The following SLCO1A2 variants were observed in gnomAD, a reference collection of about 807,000 sequenced individuals.
The protein encoded by SLCO1A2 is OATP-1.
A neutral mutation model predicts 69.0 loss-of-function variants in SLCO1A2; 67 were observed. The ratio of observed to expected loss-of-function variants is 0.97; its 90% CI spans 0.80 to 1.19. The LOEUF (loss-of-function observed/expected upper bound fraction) is 1.19. SLCO1A2 is among the 50% of genes most tolerant of loss of function. The pLI is 0.00. For missense variants in SLCO1A2, 787 were observed against 793.7 expected (o/e 0.99, Z 0.10); for synonymous variants, 260 against 265.9 (o/e 0.98, Z 0.22).
chr12:21,363,581 C>A (rs1198493203), intron 2 of SLCO1A2, among the ~76,000 whole-genome samples: 1 of 152,036 alleles, frequency 6.6e-6, no homozygotes, highest in African/African-American at 2.4e-5. Flanking sequence ...CACAAAAAAA[C>A]CCTTCAAAAA....
intron 1 of SLCO1A2, among the ~76,000 whole-genome samples, chr12:21,380,844 G>A (rs926841837): frequency 1.3e-5 from 2 of 152,196 alleles, no homozygotes; most frequent in Admixed American, 6.5e-5. Flanking sequence ...GAGCAGGGAA[G>A]AGAGGGCCCC....
chr12:21,293,082 A>T (rs1591802632), intron 11 of SLCO1A2, among the ~76,000 whole-genome samples: 1 of 152,122 alleles, frequency 6.6e-6, no homozygotes, highest in Non-Finnish European at 1.5e-5. Context: ...AGGCAGGCGG[A>T]TCACAAGGTC....
intron 14 of SLCO1A2, among the ~76,000 whole-genome samples, chr12:21,270,386 A>C (rs1401827541): frequency 2.0e-5 from 3 of 151,764 alleles, no homozygotes; most frequent in Non-Finnish European, 4.4e-5. Context: ...TTTATACATT[A>C]CTAGATTCAA....
intron 2 of SLCO1A2, among the ~76,000 whole-genome samples, chr12:21,334,101 T>C (rs1356449909): frequency 6.6e-6 from 1 of 151,700 alleles, no homozygotes; most frequent in Non-Finnish European, 1.5e-5. Flanking sequence ...GAAAAAAAAA[T>C]CAGAACAGCT....
chr12:21,298,046 G>C (rs1024728237), intron 8 of SLCO1A2, among the ~76,000 whole-genome samples: 3 of 152,154 alleles, frequency 2.0e-5, no homozygotes, highest in African/African-American at 7.2e-5. Flanking sequence ...TTGAAATAAA[G>C]ATGTGTGGGA....
intron 1 of SLCO1A2, among the ~76,000 whole-genome samples, chr12:21,388,422 C>T (rs180967719): frequency 1.7e-3 from 260 of 152,184 alleles, no homozygotes; most frequent in South Asian, 1.2e-3. Context: ...TTTCCCATGC[C>T]GTTCTTGTGA....
intron 2 of SLCO1A2, among the ~76,000 whole-genome samples, chr12:21,322,596 A>G (rs1264243339): frequency 1.3e-5 from 2 of 152,190 alleles, no homozygotes; most frequent in African/African-American, 4.8e-5. Context: ...TGTGGGGACC[A>G]AGGTTCTATC....
At chr12:21,354,439 TG>T (rs1285081604) in intron 2 of SLCO1A2, among the ~76,000 whole-genome samples, 1 of 152,224 alleles carries the variant, frequency 6.6e-6, no homozygotes, top group Admixed American at 6.5e-5. Flanking sequence ...TAAAGATAGT[TG>T]TCAGAGGAAA....
At chr12:21,378,109 A>C (rs1940338771) in intron 1 of SLCO1A2, 1 of 826,398 alleles carries the variant, frequency 1.2e-6, no homozygotes, top group Non-Finnish European at 1.9e-6. Context: ...TTGCAAACCA[A>C]AACACTGAGT....
rs541253861 is a variant in SLCO1A2 at position 21,300,191 on chromosome 12, T to C, written c.910+157A>G. On this transcript the variant is annotated intron_variant, in intron 8 of 14. Transcript: ENST00000683939. ...TAATATTTATTTTCAAGTAGTACCA[T>C]AGGAAGAATCGGACTAGTTAGGTAT... Among the ~76,000 whole-genome samples, 14 of 151,976 alleles carry C rather than the reference T, an allele frequency of 9.2e-5. No individual in the cohort carries two copies. In the South Asian group the frequency reaches 2.5e-3, roughly 27 times the overall value.
chr12:21,344,720 A>C (rs1953197530), intron 2 of SLCO1A2, among the ~76,000 whole-genome samples: 1 of 152,086 alleles, frequency 6.6e-6, no homozygotes, highest in African/African-American at 2.4e-5. Context: ...TATGAATTAA[A>C]GTCCTGCTCT....
chr12:21,347,702 A>AGGAAGAAAGAAAGAAAG (rs1555122088), intron 2 of SLCO1A2, among the ~76,000 whole-genome samples: 1 of 148,202 alleles, frequency 6.7e-6, no homozygotes, highest in Non-Finnish European at 1.5e-5. Flanking sequence ...GGAAGGAAGA[A>AGGAAGAAAGAAAGAAAG]GGAAAAAAGG....
At chr12:21,282,384 C>T (rs1199967421) in intron 12 of SLCO1A2, among the ~76,000 whole-genome samples, 1 of 146,682 alleles carries the variant, frequency 6.8e-6, no homozygotes, top group East Asian at 1.9e-4. Flanking sequence ...GATTCAGCAT[C>T]GCTTTATGGT....
Position 21,274,532 on chromosome 12 carries a change from T to G in SLCO1A2, c.1730A>C (p.His577Pro), listed in dbSNP as rs1311978787. ...CTCACCACATTTCAAAGTTCCCCAG[T>G]GTAAACATGTGGAATCCATTAAAGC... is the stretch of plus-strand genomic sequence containing the variant. ...FGALMDSTCL[H>P]WGTLKCGESG... The change falls in exon 14 of 15, where the codon CAC (histidine) becomes CCC (proline). Residue 577 changes from histidine (H) to proline (P), a missense_variant. By Grantham distance (77) the His-to-Pro change is moderately conservative. Coordinates refer to ENST00000683939, the MANE Select transcript of SLCO1A2 (RefSeq NM_001386879.1). 3 of 1,613,702 alleles carry G rather than the reference T, an allele frequency of 1.9e-6. No homozygotes were observed. Among genetic ancestry groups the G allele is most frequent in the East Asian group, 4.5e-5 (2 of 44,850 alleles).
intron 1 of SLCO1A2, among the ~76,000 whole-genome samples, chr12:21,386,427 G>A (rs904143132): frequency 6.6e-5 from 10 of 152,130 alleles, no homozygotes; most frequent in East Asian, 3.9e-4. Context: ...CACATATTGC[G>A]GGAGGGGCCA....
chr12:21,294,248 C>T, intron 10 of SLCO1A2, 138 bp from the exon 11 acceptor site: 3 of 635,190 alleles, frequency 4.7e-6, no homozygotes, highest in Non-Finnish European at 7.8e-6. Context: ...CAATGTGTGA[C>T]CTGTTTACTA....
intron 2 of SLCO1A2, among the ~76,000 whole-genome samples, chr12:21,333,796 A>G (rs922845187): frequency 1.6e-4 from 24 of 152,256 alleles, no homozygotes; most frequent in African/African-American, 5.3e-4. Context: ...AGAAAACTGA[A>G]GCACAAAAAG....
At chr12:21,307,338 C>T (rs78310102) in intron 4 of SLCO1A2, among the ~76,000 whole-genome samples, 2,155 of 152,140 alleles carry the variant, frequency 0.014, 47 homozygotes, top group African/African-American at 0.048. Flanking sequence ...TTCAATAATG[C>T]ATAATTAAGA....
intron 4 of SLCO1A2, among the ~76,000 whole-genome samples, chr12:21,309,110 A>G (rs563474469): frequency 6.6e-6 from 1 of 152,344 alleles, no homozygotes; most frequent in East Asian, 1.9e-4. Flanking sequence ...TAAGCTAGAA[A>G]GCCATTCAAA....
Sources: allele counts gnomAD v4.1 joint callset (sites outside exome capture counted in the v4.1 genomes callset), GRCh38; gene constraint gnomAD v4.1.1; transcripts MANE v1.5; gene names NCBI Gene and HGNC (gene_info 2026-07-23, HGNC 2026-07-21).